Variants in RAB2A observed in about 807,000 individuals in gnomAD.
The protein encoded by RAB2A is RAB2A, member RAS oncogene family.
RAB2A carries 7 observed loss-of-function variants against 32.5 expected under a neutral mutation model. The observed-to-expected ratio is 0.22, with a 90% confidence interval of 0.12 to 0.40. RAB2A has a LOEUF of 0.40. RAB2A is among the 10% of genes least tolerant of loss of function. The pLI is 1.00. For synonymous variants in RAB2A, 79 were observed against 85.2 expected (o/e 0.93, Z 0.40); for missense variants, 108 against 260.7 (o/e 0.41, Z 4.03).
At chr8:60,614,487 A>G (rs1190706211) in intron 6 of RAB2A, among the ~76,000 whole-genome samples, 3 of 152,056 alleles carry the variant, frequency 2.0e-5, no homozygotes, top group Non-Finnish European at 4.4e-5. Flanking sequence ...CCTGACCTCA[A>G]GCAGTCTTCC....
At chr8:60,517,545 A>T (rs1289578777) in intron 1 of RAB2A, among the ~76,000 whole-genome samples, 3 of 152,086 alleles carry the variant, frequency 2.0e-5, no homozygotes, top group South Asian at 2.1e-4. Context: ...GGCCTAGCGC[A>T]GGGCCGCCGG....
chr8:60,572,831 AT>A (rs1308196632), intron 3 of RAB2A, among the ~76,000 whole-genome samples: 1 of 152,242 alleles, frequency 6.6e-6, no homozygotes, highest in African/African-American at 2.4e-5. Flanking sequence ...CATATTAGAA[AT>A]TAAAAATGAG....
intron 6 of RAB2A, among the ~76,000 whole-genome samples, chr8:60,599,620 C>T (rs747480286): frequency 2.6e-5 from 4 of 152,180 alleles, no homozygotes; most frequent in Admixed American, 6.5e-5. Flanking sequence ...CCTGGAAACA[C>T]GCGTACAAAT....
intron 7 of RAB2A, 119 bp from the exon 8 acceptor site, chr8:60,620,555 G>C: frequency 1.4e-6 from 1 of 714,130 alleles, no homozygotes; most frequent in South Asian, 1.6e-5. Flanking sequence ...AAATCTACTT[G>C]CTGTATTTTT....
Position 60,545,226 on chromosome 8 carries a change from A to T in RAB2A, c.47-13626A>T, listed in dbSNP as rs35625652. 3.3e-5 allele frequency among the ~76,000 whole-genome samples: 5 copies of T among 151,694 alleles called. No individual in the cohort carries two copies. In the East Asian group the frequency reaches 7.8e-4, roughly 24 times the overall value. ...TGAAGGACTCTTTGCCTTAAAATGC[A>T]AGAGGACTTAATTAGATTCTTGGGC... is the stretch of plus-strand genomic sequence containing the variant. On this transcript the variant is annotated intron_variant, in intron 1 of 7. Coordinates refer to ENST00000262646, the MANE Select transcript of RAB2A (RefSeq NM_002865.3).
chr8:60,583,271 T>G (rs886121580), intron 3 of RAB2A, among the ~76,000 whole-genome samples: 5 of 152,228 alleles, frequency 3.3e-5, no homozygotes, highest in African/African-American at 1.2e-4. Flanking sequence ...TACGTTTACT[T>G]AATTAAAATG....
At chr8:60,584,506 T>G (rs1214267359) in intron 4 of RAB2A, among the ~76,000 whole-genome samples, 1 of 152,222 alleles carries the variant, frequency 6.6e-6, no homozygotes, top group African/African-American at 2.4e-5. Flanking sequence ...TCGGCCATAT[T>G]ATTTATTCAT....
intron 6 of RAB2A, among the ~76,000 whole-genome samples, chr8:60,605,105 C>T (rs777255548): frequency 1.3e-5 from 2 of 152,118 alleles, no homozygotes; most frequent in African/African-American, 2.4e-5. Context: ...GACACTACTC[C>T]CTGCATCCCA....
intron 2 of RAB2A, chr8:60,569,922 G>A (rs563929127): frequency 3.6e-4 from 165 of 455,762 alleles, no homozygotes; most frequent in Non-Finnish European, 6.1e-4. Context: ...GGAACCTACA[G>A]TAAGTTGGAA....
chr8:60,536,465 T>C (rs1375100750), intron 1 of RAB2A, among the ~76,000 whole-genome samples: 2 of 152,128 alleles, frequency 1.3e-5, no homozygotes, highest in African/African-American at 4.8e-5. Context: ...CATGAAAAAG[T>C]TTTCTCTTCA....
At chr8:60,549,786 A>G (rs1586076579) in intron 1 of RAB2A, among the ~76,000 whole-genome samples, 1 of 152,250 alleles carries the variant, frequency 6.6e-6, no homozygotes, top group East Asian at 1.9e-4. Context: ...AAAAGTAGCA[A>G]CAATAACAAA....
At chr8:60,542,416 AG>A (rs1188591241) in intron 1 of RAB2A, among the ~76,000 whole-genome samples, 6 of 152,190 alleles carry the variant, frequency 3.9e-5, no homozygotes, top group Non-Finnish European at 5.9e-5. Flanking sequence ...TTGGGAGCTG[AG>A]GCAGGAGAAT....
chr8:60,543,135 G>T (rs569258783), intron 1 of RAB2A, among the ~76,000 whole-genome samples: 3 of 152,304 alleles, frequency 2.0e-5, no homozygotes, highest in African/African-American at 7.2e-5. Context: ...GTCTTAAGAG[G>T]AATGAAAGAT....
At chr8:60,562,605 C>T (rs927716917) in intron 2 of RAB2A, among the ~76,000 whole-genome samples, 1 of 151,874 alleles carries the variant, frequency 6.6e-6, no homozygotes, top group East Asian at 1.9e-4. Flanking sequence ...TGCAGAGTCT[C>T]AATATTTAAG....
chr8:60,590,121 C>A (rs1250087832), intron 5 of RAB2A, among the ~76,000 whole-genome samples: 1 of 151,960 alleles, frequency 6.6e-6, no homozygotes, highest in African/African-American at 2.4e-5. Flanking sequence ...ACCATCATAC[C>A]CAGCTAATTT....
At chr8:60,536,171 A>G (rs1202721179) in intron 1 of RAB2A, among the ~76,000 whole-genome samples, 1 of 152,200 alleles carries the variant, frequency 6.6e-6, no homozygotes, top group African/African-American at 2.4e-5. Flanking sequence ...TGACTTTGGT[A>G]TATATTTCAG....
In RAB2A at chr8:60,517,156, G is replaced by C; in HGVS notation, c.-52G>C. 6.8e-7 allele frequency: 1 copy of C among 1,466,014 alleles called. No individual in the cohort carries two copies. Among genetic ancestry groups the C allele is most frequent in the South Asian group, 1.3e-5 (1 of 75,494 alleles). The allele number at this position is 1,466,014 out of a possible 1,614,324, so 90.8% of individuals were successfully genotyped here. ...GCACCGGGGTTGGGGCGCGGAGGAG[G>C]AGCAGCAGCGGGAGGAGGAGCCGTG... On this transcript the variant is annotated 5_prime_UTR_variant, in exon 1 of 8. Transcript: ENST00000262646.
At chr8:60,609,435 C>G (rs1804297209) in intron 6 of RAB2A, among the ~76,000 whole-genome samples, 1 of 152,152 alleles carries the variant, frequency 6.6e-6, no homozygotes, top group Admixed American at 6.5e-5. Context: ...ACTTGTTTGT[C>G]ATGTCGGCCC....
At chr8:60,567,869 T>G (rs1194366964) in intron 2 of RAB2A, among the ~76,000 whole-genome samples, 2 of 152,074 alleles carry the variant, frequency 1.3e-5, no homozygotes, top group East Asian at 3.9e-4. Context: ...CTTAATTTTA[T>G]TACTCTAATT....
Sources: allele counts gnomAD v4.1 joint callset (sites outside exome capture counted in the v4.1 genomes callset), GRCh38; gene constraint gnomAD v4.1.1; transcripts MANE v1.5; gene names NCBI Gene and HGNC (gene_info 2026-07-23, HGNC 2026-07-21).